Variants in WASHC2A observed in about 807,000 individuals in gnomAD.
The protein encoded by WASHC2A is WASH complex subunit 2A.
A neutral mutation model predicts 140.3 loss-of-function variants in WASHC2A; 82 were observed. That is an observed-to-expected ratio of 0.58 (90% confidence interval 0.49 to 0.70). The LOEUF is 0.70. WASHC2A is among the 30% of genes least tolerant of loss of function. The pLI is 0.00. For missense variants in WASHC2A, 985 were observed against 1,521.8 expected, an observed-to-expected ratio of 0.65 and a Z score of 5.87; for synonymous variants, 340 against 560.8, an observed-to-expected ratio of 0.61 and a Z score of 5.56.
At chr10:50,098,226 G>A (rs1402942330) in intron 16 of WASHC2A, among the ~76,000 whole-genome samples, 4 of 152,126 alleles carry the variant, frequency 2.6e-5, no homozygotes, top group Admixed American at 2.6e-4. Flanking sequence ...TATCTAGTCT[G>A]TATTAGAATT....
At chr10:50,103,863 C>CA (rs1326761859) in intron 17 of WASHC2A, among the ~76,000 whole-genome samples, 179 bp from the exon 18 acceptor site, 1 of 152,024 alleles carries the variant, frequency 6.6e-6, no homozygotes, top group Non-Finnish European at 1.5e-5. Context: ...ACTGCACACA[C>CA]CCTGCACAGA....
chr10:50,088,192 T>A (rs1211757747), intron 8 of WASHC2A, among the ~76,000 whole-genome samples: 6 of 149,874 alleles, frequency 4.0e-5, no homozygotes, highest in Non-Finnish European at 7.4e-5. Context: ...TATGATACTG[T>A]CATAGTCTCT....
rs1843510150 is a variant in WASHC2A, at chr10:50,127,175, G to T, written c.2827G>T (p.Ala943Ser). 6.2e-7 allele frequency: 1 copy of T among 1,611,978 alleles called. No homozygotes were observed. Among genetic ancestry groups the T allele is most frequent in the South Asian group, 1.1e-5 (1 of 90,984 alleles). ...PETPQDSSGLAPFKTKEPSTR... is the reference protein window; with the variant it reads ...PETPQDSSGLSPFKTKEPSTR... ...TTTTACACAGGACTCATCAGGTCTC[G>T]CTCCATTTAAAACCAAAGAACCATC... Residue 943 changes from alanine (A) to serine (S), a missense_variant, in exon 27 of 31, where the codon GCT becomes TCT. Transcript: ENST00000282633.
intron 18 of WASHC2A, among the ~76,000 whole-genome samples, chr10:50,104,609 G>A (rs1253266228): frequency 1.3e-5 from 2 of 152,024 alleles, no homozygotes; most frequent in African/African-American, 4.8e-5. Flanking sequence ...CGCCTGCCTC[G>A]GCCTCCCTAA....
At chr10:50,076,747 G>A (rs1422838007) in intron 3 of WASHC2A, among the ~76,000 whole-genome samples, 3 of 151,912 alleles carry the variant, frequency 2.0e-5, no homozygotes, top group Admixed American at 6.6e-5. Context: ...GGAGGCCAAG[G>A]CCGATGGATC....
chr10:50,095,826 G>A (rs1181044226), intron 15 of WASHC2A, 48 bp downstream of exon 15: 17 of 1,558,516 alleles, frequency 1.1e-5, no homozygotes, highest in East Asian at 2.4e-5. Flanking sequence ...GAAAAAGAAC[G>A]TTGCCTAAAA....
chr10:50,090,377 C>T (rs1190375784), intron 8 of WASHC2A, among the ~76,000 whole-genome samples: 122 of 150,188 alleles, frequency 8.1e-4, no homozygotes, highest in Middle Eastern at 3.4e-3. Context: ...GTGGTGCATG[C>T]GTGTAATCCC....
intron 21 of WASHC2A, among the ~76,000 whole-genome samples, chr10:50,117,004 A>G (rs1388297733): frequency 1.1e-5 from 1 of 92,132 alleles, no homozygotes; most frequent in Non-Finnish European, 2.3e-5. Context: ...CAAAAATGCC[A>G]TGAATTCCAG....
intron 30 of WASHC2A, among the ~76,000 whole-genome samples, chr10:50,131,576 A>G (rs1198912062): frequency 7.2e-5 from 11 of 152,300 alleles, no homozygotes; most frequent in African/African-American, 2.6e-4. Context: ...GTGTTTGGGA[A>G]CAAGCTTGTC....
intron 28 of WASHC2A, among the ~76,000 whole-genome samples, chr10:50,128,505 G>A (rs1461752612): frequency 6.6e-6 from 1 of 152,182 alleles, no homozygotes; most frequent in African/African-American, 2.4e-5. Context: ...TTTCTATCCA[G>A]TCTCCCTTCT....
At position 50,127,824 on chromosome 10, in the gene WASHC2A, C is replaced by T. The variant is rs922043961; in HGVS notation, c.3087+29C>T. On this transcript the variant is annotated intron_variant, in intron 28 of 30. Transcript: ENST00000282633. ...ATGAAACCATCTTTGCTTCCTTGCT[C>T]TCTTCTTTTAACCAGAACATGCATA... 2.6e-5 allele frequency: 28 copies of T among 1,072,716 alleles called. No individual in the cohort carries two copies. In the Admixed American group the frequency reaches 5.7e-4, roughly 22 times the overall value. The allele number at this position is 1,072,716 out of a possible 1,614,324, so 66.4% of individuals were successfully genotyped here. A position where few individuals can be genotyped will look rare whatever the true frequency, so the allele number is the denominator to read the frequency against.
chr10:50,093,179 T>G lies in WASHC2A; in HGVS notation c.1004-89T>G. 7 of 633,008 alleles carry G rather than the reference T, an allele frequency of 1.1e-5. No individual in the cohort carries two copies. In the South Asian group the frequency reaches 1.2e-4, roughly 11 times the overall value. The allele number at this position is 633,008 out of a possible 1,614,324, so 39.2% of individuals were successfully genotyped here. A position where few individuals can be genotyped will look rare whatever the true frequency, so the allele number is the denominator to read the frequency against. Reference sequence around the variant, plus strand: ...TAGTGTCAGATAAACTCCATGCCAGTTTGGAGACACAGCAGATGCCAACCC... The same window carrying G: ...TAGTGTCAGATAAACTCCATGCCAGGTTGGAGACACAGCAGATGCCAACCC... On this transcript the variant is annotated intron_variant, in intron 11 of 30. Coordinates refer to ENST00000282633, the MANE Select transcript of WASHC2A (RefSeq NM_001005751.3).
chr10:50,092,816 G>C (rs1298733835), intron 11 of WASHC2A, among the ~76,000 whole-genome samples: 31 of 152,222 alleles, frequency 2.0e-4, no homozygotes, highest in Admixed American at 5.9e-4. Flanking sequence ...GGAATCTCTA[G>C]CATTTGTTTT....
At chr10:50,130,878 G>T (rs768348538) in intron 29 of WASHC2A, 23 bp from the exon 30 acceptor site, 1 of 1,603,892 alleles carries the variant, frequency 6.2e-7, no homozygotes, top group African/African-American at 1.3e-5. Context: ...ACATTATTTT[G>T]TATGTATTTT....
At chr10:50,120,220 G>T (rs1842913279) in intron 23 of WASHC2A, among the ~76,000 whole-genome samples, 1 of 147,682 alleles carries the variant, frequency 6.8e-6, no homozygotes, top group African/African-American at 2.6e-5. Flanking sequence ...AGCCTATTTG[G>T]GCTCTGTCAT....
chr10:50,132,055 T>G (rs1458426710), intron 30 of WASHC2A, among the ~76,000 whole-genome samples: 1 of 152,264 alleles, frequency 6.6e-6, no homozygotes, highest in Non-Finnish European at 1.5e-5. Context: ...GCTCTGTCTT[T>G]TAGTTACTTA....
intron 17 of WASHC2A, among the ~76,000 whole-genome samples, chr10:50,102,076 G>A (rs1383158081): frequency 1.3e-5 from 2 of 152,216 alleles, no homozygotes; most frequent in Non-Finnish European, 2.9e-5. Flanking sequence ...TTTATGGGGA[G>A]AGGCCATAGG....
chr10:50,117,820 A>T, intron 21 of WASHC2A, 86 bp from the exon 22 acceptor site: 1 of 674,230 alleles, frequency 1.5e-6, no homozygotes, highest in East Asian at 2.8e-5. Context: ...CCCTAAGAGG[A>T]TGGTTTGGGC....
chr10:50,090,316 A>G (rs2132537189), intron 8 of WASHC2A, among the ~76,000 whole-genome samples: 1 of 149,116 alleles, frequency 6.7e-6, no homozygotes, highest in Non-Finnish European at 1.5e-5. Context: ...AGCCTAGACA[A>G]TATGGTGAAA....
Sources: allele counts gnomAD v4.1 joint callset (sites outside exome capture counted in the v4.1 genomes callset), GRCh38; gene constraint gnomAD v4.1.1; transcripts MANE v1.5; gene names NCBI Gene and HGNC (gene_info 2026-07-23, HGNC 2026-07-21).